ITPR2: variants seen among roughly 807,000 people sequenced by gnomAD.
The protein encoded by ITPR2 is inositol 1,4,5-trisphosphate-gated calcium channel ITPR2.
In ITPR2, 207 loss-of-function variants were observed where a neutral mutation model predicts 317.1. The ratio of observed to expected loss-of-function variants is 0.65; its 90% CI spans 0.58 to 0.73. The LOEUF (loss-of-function observed/expected upper bound fraction) is 0.73, where lower values mean the gene tolerates loss of function less well. ITPR2 is among the 30% of genes least tolerant of loss of function. The probability of loss-of-function intolerance (pLI) is 0.00; values close to 1 mark genes in which losing one functional copy is unlikely to be tolerated. For synonymous variants in ITPR2, 1,156 were observed against 1,149.1 expected, an observed-to-expected ratio of 1.01 and a Z score of -0.12; for missense variants, 2,613 against 3,284.0, an observed-to-expected ratio of 0.80 and a Z score of 4.99.
chr12:26,492,759 C>A (rs1942837021), intron 39 of ITPR2, among the ~76,000 whole-genome samples: 1 of 152,030 alleles, frequency 6.6e-6, no homozygotes, highest in Non-Finnish European at 1.5e-5. Context: ...TAAAGCAAGG[C>A]AATGATACTT....
intron 49 of ITPR2, among the ~76,000 whole-genome samples, chr12:26,423,485 T>C (rs1940955575): frequency 6.6e-6 from 1 of 152,126 alleles, no homozygotes; most frequent in African/African-American, 2.4e-5. Flanking sequence ...CCAGGTACTA[T>C]TAGAAAGGAA....
At chr12:26,586,528 ATC>A (rs1277583682) in intron 32 of ITPR2, among the ~76,000 whole-genome samples, 1 of 152,216 alleles carries the variant, frequency 6.6e-6, no homozygotes, top group Admixed American at 6.5e-5. Context: ...TATTGCTTTC[ATC>A]TAAAGACAGA....
chr12:26,519,781 T>G, intron 37 of ITPR2, among the ~76,000 whole-genome samples: 1 of 152,176 alleles, frequency 6.6e-6, no homozygotes, highest in South Asian at 2.1e-4. Context: ...CTGAAAACAG[T>G]AAGAGAATTT....
At chr12:26,708,041 C>T (rs1948586554) in intron 9 of ITPR2, among the ~76,000 whole-genome samples, 1 of 152,100 alleles carries the variant, frequency 6.6e-6, no homozygotes, top group Non-Finnish European at 1.5e-5. Flanking sequence ...ACCAAAACTA[C>T]AATAAGATAT....
At chr12:26,803,139 C>T (rs1399267095) in intron 1 of ITPR2, among the ~76,000 whole-genome samples, 2 of 152,058 alleles carry the variant, frequency 1.3e-5, no homozygotes, top group East Asian at 3.9e-4. Flanking sequence ...TAACTAAAAA[C>T]CCCACACTCA....
intron 1 of ITPR2, among the ~76,000 whole-genome samples, chr12:26,828,265 T>G (rs1367394511): frequency 6.6e-6 from 1 of 152,052 alleles, no homozygotes; most frequent in Non-Finnish European, 1.5e-5. Flanking sequence ...AACAAGACAA[T>G]GAGAAATCAC....
chr12:26,760,319 C>T (rs1226148413), intron 2 of ITPR2, among the ~76,000 whole-genome samples: 1 of 152,078 alleles, frequency 6.6e-6, no homozygotes. Flanking sequence ...TATTTTGTGC[C>T]AATAAATGTG....
chr12:26,772,876 G>C lies in ITPR2; in HGVS notation c.163+17281C>G, dbSNP rs11829176. Among the ~76,000 whole-genome samples the C allele has an allele frequency of 3.2e-3, 491 of 151,854 alleles. 3 individuals carry two copies. The highest frequency in any genetic ancestry group is 0.011 in the African/African-American group (460 of 41,424). On this transcript the variant is annotated intron_variant, in intron 2 of 56. Transcript: ENST00000381340. ...ACATTTTAAGCCCCGCATGCATTAGGTATTTGTCCTAATAGTCTTCTTCCC... is the reference window on the plus strand; with the variant it reads ...ACATTTTAAGCCCCGCATGCATTAGCTATTTGTCCTAATAGTCTTCTTCCC...
intron 26 of ITPR2, among the ~76,000 whole-genome samples, chr12:26,618,587 G>T (rs189726968): frequency 3.9e-5 from 6 of 152,324 alleles, no homozygotes; most frequent in Non-Finnish European, 7.4e-5. Context: ...CACTAGTGGA[G>T]GGAAAACAAC....
intron 48 of ITPR2, among the ~76,000 whole-genome samples, chr12:26,433,351 C>G (rs1941267149): frequency 6.6e-6 from 1 of 152,096 alleles, no homozygotes; most frequent in South Asian, 2.1e-4. Flanking sequence ...GATAGTGCAC[C>G]ATGTCTTCCA....
At chr12:26,817,563 A>G (rs999416755) in intron 1 of ITPR2, among the ~76,000 whole-genome samples, 4 of 152,058 alleles carry the variant, frequency 2.6e-5, no homozygotes, top group African/African-American at 9.7e-5. Flanking sequence ...GCCTTTTTCT[A>G]TTCCTCCTTT....
chr12:26,405,063 G>A (rs1428100410), intron 52 of ITPR2, among the ~76,000 whole-genome samples: 2 of 151,950 alleles, frequency 1.3e-5, no homozygotes, highest in African/African-American at 2.4e-5. Context: ...GAACCCAGGA[G>A]GCAGAGGTTG....
rs769629972 is a variant in ITPR2, at chr12:26,476,888, C to G, written c.6219+24G>C. ...TTCCTTTTAGGCTACCCAATATTGA[C>G]CAAGCTTTTAAAAGTTTTCTTACCA... On this transcript the variant is annotated intron_variant, in intron 44 of 56. Transcript: ENST00000381340. 38 of 1,541,500 alleles carry G rather than the reference C, an allele frequency of 2.5e-5. No individual in the cohort carries two copies. The African/African-American group carries it at 4.5e-4, about 18-fold the overall frequency.
At chr12:26,825,944 T>A (rs558828545) in intron 1 of ITPR2, among the ~76,000 whole-genome samples, 6 of 152,380 alleles carry the variant, frequency 3.9e-5, no homozygotes, top group Admixed American at 1.3e-4. Flanking sequence ...CATTATCATA[T>A]GCCTTAGCCA....
intron 2 of ITPR2, among the ~76,000 whole-genome samples, chr12:26,728,680 G>C (rs564478181): frequency 6.6e-6 from 1 of 152,032 alleles, no homozygotes; most frequent in Non-Finnish European, 1.5e-5. Flanking sequence ...ACATTTTGTC[G>C]GATTCTAAAT....
chr12:26,474,583 G>A (rs528272985), intron 45 of ITPR2, among the ~76,000 whole-genome samples: 127 of 152,022 alleles, frequency 8.4e-4, no homozygotes, highest in Non-Finnish European at 1.5e-3. Context: ...CACGAGGTCA[G>A]GAGATCGAGA....
intron 2 of ITPR2, among the ~76,000 whole-genome samples, chr12:26,744,264 C>G (rs1949283001): frequency 6.6e-6 from 1 of 152,266 alleles, no homozygotes; most frequent in Non-Finnish European, 1.5e-5. Flanking sequence ...CCGACCTCCC[C>G]ACCACTACCT....
At chr12:26,735,277 C>A (rs1592082107) in intron 2 of ITPR2, among the ~76,000 whole-genome samples, 3 of 152,184 alleles carry the variant, frequency 2.0e-5, no homozygotes, top group Admixed American at 2.0e-4. Context: ...GCTGGGATTA[C>A]AGACGTGAGG....
At position 26,822,484 on chromosome 12, in the gene ITPR2, G is replaced by C. The variant is rs1025466351; in HGVS notation, c.92+10206C>G. ...TGCTATATTAAGAACTATTAAAATA[G>C]TTCTTAATAGTTCATTAAAATAGTT... On this transcript the variant is annotated intron_variant, in intron 1 of 56. Transcript: ENST00000381340. 6.0e-5 allele frequency among the ~76,000 whole-genome samples: 9 copies of C among 151,226 alleles called. No individual in the cohort carries two copies. The South Asian group carries it at 1.7e-3, about 28-fold the overall frequency.
Sources: allele counts gnomAD v4.1 joint callset (sites outside exome capture counted in the v4.1 genomes callset), GRCh38; gene constraint gnomAD v4.1.1; transcripts MANE v1.5; gene names NCBI Gene and HGNC (gene_info 2026-07-23, HGNC 2026-07-21).